Variants in EIF4G1 observed in about 807,000 individuals in gnomAD.
EIF4G1 encodes the protein EIF4-gamma.
EIF4G1 carries 4 observed loss-of-function variants against 187.8 expected under a neutral mutation model. The observed-to-expected ratio is 0.02, with a 90% CI of 0.01 to 0.05. The LOEUF (loss-of-function observed/expected upper bound fraction) is 0.05, where lower values mean the gene tolerates loss of function less well. EIF4G1 is among the 10% of genes least tolerant of loss of function. The pLI is 1.00. For synonymous variants in EIF4G1, 844 were observed against 781.4 expected, an observed-to-expected ratio of 1.08 and a Z score of -1.34; for missense variants, 1,647 against 2,081.1, an observed-to-expected ratio of 0.79 and a Z score of 4.06.
Position 184,325,482 on chromosome 3 carries a change from C to T in EIF4G1, c.2964C>T (p.Ser988=), listed in dbSNP as rs1724722181. The T allele has an allele frequency of 6.2e-7, 1 of 1,614,008 alleles. No homozygotes were observed. The highest frequency in any genetic ancestry group is 8.5e-7 in the Non-Finnish European group (1 of 1,180,040). The change falls in exon 20 of 33, where the codon AGC becomes AGT. Residue 988 remains serine, a splice_region_variant and synonymous_variant. Transcript: ENST00000346169. This position sits in a 1 kb window ranked among gnomAD's most constrained non-coding sequence, Gnocchi z 5.2. ...MLQDVLDLRG[S]NWVPRRGDQG... is the part of the protein sequence containing the mutation. ...TGACTGGCCCTCTGTCTCCACAGAG[C>T]AATTGGGTGCCACGCCGAGGGGATC...
chr3:184,327,745 G>A (rs1340572272), intron 25 of EIF4G1, 41 bp downstream of exon 25: 1 of 1,613,478 alleles, frequency 6.2e-7, no homozygotes, highest in Non-Finnish European at 8.5e-7. Context: ...AGTGGGCAGG[G>A]AGGGATCATG....
chr3:184,316,047 AG>A (rs5855022), intron 3 of EIF4G1, 84 bp from the exon 4 acceptor site: 1 of 1,584,122 alleles, frequency 6.3e-7, no homozygotes, highest in South Asian at 1.1e-5. Context: ...CTCTTGCCGC[AG>A]ATCTGCTCCC....
chr3:184,325,334 C>T lies in EIF4G1; in HGVS notation c.2922C>T (p.Arg974=). The change falls in exon 19 of 33, where the codon CGC becomes CGT. Residue 974 remains arginine, a synonymous_variant. Transcript: ENST00000346169. This position sits in a 1 kb window ranked among gnomAD's most constrained non-coding sequence, Gnocchi z 5.2. ...KIIKEKKTSS[R]IRFMLQDVLD... Reference sequence around the variant, plus strand: ...TTAAAGAAAAGAAGACGTCATCCCGCATCCGCTTTATGCTGCAGGACGTGC... The same window carrying T: ...TTAAAGAAAAGAAGACGTCATCCCGTATCCGCTTTATGCTGCAGGACGTGC... 1.2e-6 allele frequency: 2 copies of T among 1,614,256 alleles called. No individual in the cohort carries two copies.
chr3:184,317,850 G>GC, intron 6 of EIF4G1, 34 bp downstream of exon 6: 1 of 1,486,182 alleles, frequency 6.7e-7, no homozygotes, highest in Non-Finnish European at 9.4e-7. Context: ...GTGAGAACAA[G>GC]CCCAAGGGAG....
At position 184,322,567 on chromosome 3, in the gene EIF4G1, G is replaced by A; in HGVS notation, c.1632G>A (p.Val544=). The A allele has an allele frequency of 1.2e-6, 2 of 1,614,180 alleles. No individual in the cohort carries two copies. Among genetic ancestry groups the A allele is most frequent in the Non-Finnish European group, 1.7e-6 (2 of 1,180,040 alleles). Residue 544 remains valine (V), a synonymous_variant, in exon 12 of 33, where the codon GTG becomes GTA. Transcript: ENST00000346169. The part of the protein sequence containing the change: ...FKEANPAVPE[V]ENQPPAGSNP... Reference sequence around the variant, plus strand: ...AGGCGAACCCGGCAGTACCAGAGGTGGAAAATCAGCCTCCTGCAGGCAGCA... The same window carrying A: ...AGGCGAACCCGGCAGTACCAGAGGTAGAAAATCAGCCTCCTGCAGGCAGCA...
Position 184,334,645 on chromosome 3 carries a change from A to T in EIF4G1, c.4619-82A>T. ...TGGTGCATCAGGGCCTTGTTTGAAC[A>T]GTGGAACTTGGGAGGGTTCCCTGGG... On this transcript the variant is annotated intron_variant, in intron 32 of 32. Coordinates refer to ENST00000346169, the MANE Select transcript of EIF4G1 (RefSeq NM_198241.3). This position sits in a 1 kb window ranked among gnomAD's most constrained non-coding sequence, Gnocchi z 5.8. 6.4e-7 allele frequency: 1 copy of T among 1,561,166 alleles called. No individual in the cohort carries two copies. Among genetic ancestry groups the T allele is most frequent in the Non-Finnish European group, 8.8e-7 (1 of 1,134,610 alleles).
rs1324814387 is a variant in EIF4G1, at chr3:184,323,053, T to G, written c.1930-30T>G. The G allele has an allele frequency of 3.7e-6, 6 of 1,614,232 alleles. No homozygotes were observed. Among genetic ancestry groups the G allele is most frequent in the Non-Finnish European group, 5.1e-6 (6 of 1,180,042 alleles). ...AGAGTAGTCAACCGCTCTAGCCTGCTTCTGAGACCTTTTCCTGTCCTCTTT... is the reference window on the plus strand; with the variant it reads ...AGAGTAGTCAACCGCTCTAGCCTGCGTCTGAGACCTTTTCCTGTCCTCTTT... On this transcript the variant is annotated intron_variant, in intron 13 of 32. Coordinates refer to ENST00000346169, the MANE Select transcript of EIF4G1 (RefSeq NM_198241.3). This position sits in a 1 kb window ranked among gnomAD's most constrained non-coding sequence, Gnocchi z 6.9.
intron 28 of EIF4G1, chr3:184,329,220 G>C: frequency 1.7e-6 from 1 of 572,010 alleles, no homozygotes; most frequent in Non-Finnish European, 3.1e-6. Flanking sequence ...CTAGGCCTGT[G>C]ATTGATGCAT....
At chr3:184,329,754 C>G (rs1254197162) in intron 28 of EIF4G1, among the ~76,000 whole-genome samples, 1 of 152,162 alleles carries the variant, frequency 6.6e-6, no homozygotes, top group Non-Finnish European at 1.5e-5. Flanking sequence ...ATATTTGTGA[C>G]AGGAGGCTTT....
rs1723697011 is a variant in EIF4G1 at position 184,320,470 on chromosome 3, C to T, written c.538-160C>T. ...GGAGCTGGGGCAGGGACTACGAGAG[C>T]AGCCAGATGGGCTGAAAGTGGAACT... On this transcript the variant is annotated intron_variant, in intron 7 of 32. Transcript: ENST00000346169. 15 of 1,526,836 alleles carry T rather than the reference C, an allele frequency of 9.8e-6. No individual in the cohort carries two copies. The South Asian group carries it at 1.7e-4, about 17-fold the overall frequency. 94.6% of individuals were successfully genotyped at this position (1,526,836 alleles called of 1,614,324 possible).
rs1577184672 is a variant in EIF4G1 at position 184,317,460 on chromosome 3, A to C, written c.287A>C (p.Tyr96Ser). 1 of 1,613,818 alleles carries C rather than the reference A, an allele frequency of 6.2e-7. No individual in the cohort carries two copies. Among genetic ancestry groups the C allele is most frequent in the East Asian group, 2.2e-5 (1 of 44,848 alleles). The change falls in exon 5 of 33, where the codon TAC (tyrosine) becomes TCC (serine). Residue 96 changes from tyrosine (Y) to serine (S), a missense_variant. Physicochemically the swap from Tyr to Ser is moderately radical, Grantham distance 144 (BLOSUM62 -2). This residue lies in a region of EIF4G1 where 139 missense variants were observed against 187.3 expected (regional missense o/e 0.74). Transcript: ENST00000346169. ...ATGATGATCCCTTCCCAGATCTCCT[A>C]CCCAGCCTCCCAGGGGGCCTACTAC... ...QVMMIPSQIS[Y>S]PASQGAYYIP...
chr3:184,320,535 G>C (rs968567199), intron 7 of EIF4G1, 95 bp from the exon 8 acceptor site: 7 of 1,605,158 alleles, frequency 4.4e-6, no homozygotes, highest in South Asian at 2.2e-5. Context: ...TTCCCGCTGG[G>C]GGGTGGGGAG....
At position 184,323,534 on chromosome 3, in the gene EIF4G1, A is replaced by C. The variant is rs1560217936; in HGVS notation, c.2215A>C (p.Lys739Gln). 3.1e-6 allele frequency: 5 copies of C among 1,614,212 alleles called. No homozygotes were observed. The highest frequency in any genetic ancestry group is 4.2e-6 in the Non-Finnish European group (5 of 1,180,044). The change falls in exon 15 of 33, where the codon AAG becomes CAG. Residue 739 changes from lysine (K) to glutamine (Q), a missense_variant. Around this residue, in one of 11 missense-constraint regions of EIF4G1, gnomAD observed 140 missense variants for 222.2 expected, o/e 0.63. Coordinates refer to ENST00000346169, the MANE Select transcript of EIF4G1 (RefSeq NM_198241.3). This position sits in a 1 kb window ranked among gnomAD's most constrained non-coding sequence, Gnocchi z 6.9. ...KAEKAWKPSS[K>Q]RTAADKDRGE... ...AGAGAAAGCCTGGAAACCCAGCAGCAAGCGGACGGCGGCTGATAAGGATCG... is the reference window on the plus strand; with the variant it reads ...AGAGAAAGCCTGGAAACCCAGCAGCCAGCGGACGGCGGCTGATAAGGATCG...
chr3:184,320,988 G>A lies in EIF4G1; in HGVS notation c.692G>A (p.Arg231Gln), dbSNP rs972974112. 25 of 1,613,748 alleles carry A rather than the reference G, an allele frequency of 1.5e-5. No homozygotes were observed. Among genetic ancestry groups the A allele is most frequent in the African/African-American group, 2.7e-5 (2 of 74,930 alleles). Residue 231 changes from arginine to glutamine, a missense_variant, in exon 9 of 33, where the codon CGG (arginine) becomes CAG (glutamine). Physicochemically the swap from Arg to Gln is conservative, Grantham distance 43 (BLOSUM62 1). This residue lies in a region of EIF4G1 where 522 missense variants were observed against 485.2 expected (regional missense o/e 1.08). Coordinates refer to ENST00000346169, the MANE Select transcript of EIF4G1 (RefSeq NM_198241.3). ...GETPQVAVIV[R>Q]PDDRSQGAII... ...ACGCCCCAGGTTGCTGTCATTGTCC[G>A]GCCAGGTAAGTAAGCCGGTGGGACG... is the stretch of plus-strand genomic sequence containing the variant.
Position 184,315,822 on chromosome 3 carries a change from G to GCCCGCC in EIF4G1, c.29_30insGCCCCC (p.Pro11_Pro12dup). 2 of 1,544,480 alleles carry GCCCGCC rather than the reference G, an allele frequency of 1.3e-6. No individual in the cohort carries two copies. The highest frequency in any genetic ancestry group is 1.8e-6 in the Non-Finnish European group (2 of 1,140,788). On this transcript the variant is annotated inframe_insertion, in exon 3 of 33. Transcript: ENST00000346169. ...ATGAACAAAGCTCCACAGTCCACAG[G>GCCCGCC]CCCCCCACCCGCCCCATCCCCCGGA...
chr3:184,332,025 G>A lies in EIF4G1; in HGVS notation c.4557G>A (p.Gln1519=). 6.2e-7 allele frequency: 1 copy of A among 1,614,236 alleles called. No individual in the cohort carries two copies. The highest frequency in any genetic ancestry group is 8.5e-7 in the Non-Finnish European group (1 of 1,180,042). The change falls in exon 32 of 33, where the codon CAG becomes CAA. Residue 1519 remains glutamine, a synonymous_variant. Transcript: ENST00000346169. ...KLLQKYLCDE[Q]KELQALYALQ... ...TGCAGAAATACCTGTGTGACGAGCA[G>A]AAGGAGCTACAGGCGCTCTACGCCC...
Position 184,331,444 on chromosome 3 carries a change from TCTTAACTGCGGGC to T in EIF4G1, c.4261-24_4261-12del. 6.2e-7 allele frequency: 1 copy of T among 1,614,158 alleles called. No individual in the cohort carries two copies. The highest frequency in any genetic ancestry group is 8.5e-7 in the Non-Finnish European group (1 of 1,180,034). ...CTTGTCTCCTGTTGGCAACCTTACC[TCTTAACTGCGGGC>T]CTTTTCCATTGCAGAAGGTGGAGTA... On this transcript the variant is annotated splice_polypyrimidine_tract_variant and intron_variant, in intron 29 of 32. Transcript: ENST00000346169.
intron 7 of EIF4G1, chr3:184,320,316 A>C: frequency 1.6e-6 from 2 of 1,289,976 alleles, no homozygotes; most frequent in Non-Finnish European, 2.0e-6. Flanking sequence ...ATTGGGTTCT[A>C]GATGGGGGTC....
At chr3:184,316,795 C>A in intron 4 of EIF4G1, 1 of 1,534,734 alleles carries the variant, frequency 6.5e-7, no homozygotes, top group Non-Finnish European at 8.9e-7. Context: ...CCACCCTAGT[C>A]AGGGGCTAGA....
Sources: allele counts gnomAD v4.1 joint callset (sites outside exome capture counted in the v4.1 genomes callset), GRCh38; gene constraint gnomAD v4.1.1; regional missense constraint gnomAD v4.1.1; non-coding constraint Gnocchi (gnomAD v3.1); transcripts MANE v1.5; gene names NCBI Gene and HGNC (gene_info 2026-07-23, HGNC 2026-07-21).